The following NAV2 variants were observed in gnomAD, a reference collection of about 807,000 sequenced individuals.
NAV2 encodes the protein neuron navigator 2.
NAV2 carries 54 observed loss-of-function variants against 223.2 expected under a neutral mutation model. The ratio of observed to expected loss-of-function variants is 0.24; its 90% CI spans 0.19 to 0.30. The LOEUF (loss-of-function observed/expected upper bound fraction) is 0.30. Among genes scored for constraint, NAV2 ranks in the 10% least tolerant of loss-of-function variants. The pLI, the probability that NAV2 is intolerant of heterozygous loss-of-function variation, is 1.00. For synonymous variants in NAV2, 1,279 were observed against 1,239.3 expected (o/e 1.03, Z -0.67); for missense variants, 2,806 against 3,147.5 (o/e 0.89, Z 2.60).
chr11:19,445,451 A>C (rs1181052430), intron 1 of NAV2, among the ~76,000 whole-genome samples: 1 of 152,202 alleles, frequency 6.6e-6, no homozygotes, highest in African/African-American at 2.4e-5. Context: ...TTTAATCCTC[A>C]TCACAAACCT....
intron 1 of NAV2, among the ~76,000 whole-genome samples, chr11:19,777,205 C>T (rs1389873987): frequency 6.6e-6 from 1 of 151,176 alleles, no homozygotes; most frequent in Non-Finnish European, 1.5e-5. Flanking sequence ...GCGGGGAGGC[C>T]GGCGGGGAGC....
intron 19 of NAV2, among the ~76,000 whole-genome samples, chr11:20,057,299 TA>T (rs1279741516): frequency 6.6e-6 from 1 of 152,242 alleles, no homozygotes; most frequent in African/African-American, 2.4e-5. Context: ...TTAAAGAATG[TA>T]TTTACAGAGC....
At chr11:19,472,211 A>G (rs936946611) in intron 1 of NAV2, among the ~76,000 whole-genome samples, 1 of 152,178 alleles carries the variant, frequency 6.6e-6, no homozygotes, top group African/African-American at 2.4e-5. Flanking sequence ...ATAGACAGGA[A>G]CATGGGGCAG....
At chr11:19,904,370 T>C (rs1466920956) in intron 6 of NAV2, among the ~76,000 whole-genome samples, 2 of 151,894 alleles carry the variant, frequency 1.3e-5, no homozygotes, top group African/African-American at 4.8e-5. Context: ...AGTAAACAAA[T>C]GCAAACAGTA....
At chr11:19,419,436 A>C (rs1448098800) in intron 1 of NAV2, among the ~76,000 whole-genome samples, 1 of 152,072 alleles carries the variant, frequency 6.6e-6, no homozygotes, top group East Asian at 1.9e-4. Flanking sequence ...CAGCGTGCAT[A>C]CCTCAGGACA....
chr11:19,660,049 C>T (rs2048234239), intron 1 of NAV2, among the ~76,000 whole-genome samples: 2 of 152,250 alleles, frequency 1.3e-5, no homozygotes. Flanking sequence ...AGGCAAACAA[C>T]TCTTGTTTGG....
In NAV2 at chr11:19,933,065, A is replaced by G. The variant is rs547150724; in HGVS notation, c.932-111A>G. 4.7e-5 allele frequency: 61 copies of G among 1,301,020 alleles called. No homozygotes were observed. The Middle Eastern group carries it at 1.4e-3, about 30-fold the overall frequency. 80.6% of individuals were successfully genotyped at this position (1,301,020 alleles called of 1,614,324 possible). A position where few individuals can be genotyped will look rare whatever the true frequency, so the allele number is the denominator to read the frequency against. On this transcript the variant is annotated intron_variant, in intron 6 of 37. Coordinates refer to ENST00000349880, the MANE Select transcript of NAV2 (RefSeq NM_145117.5). The surrounding 1 kb of genome is among the most constrained non-coding windows in gnomAD (Gnocchi z 4.3). ...AATCCACAAAGTGGGCAATGGAGCT[A>G]TACGGCATTTGGGTTGGGAGTGATT... is the stretch of plus-strand genomic sequence containing the variant.
intron 1 of NAV2, among the ~76,000 whole-genome samples, chr11:19,364,607 A>G (rs1010493249): frequency 2.0e-5 from 3 of 152,164 alleles, no homozygotes; most frequent in Non-Finnish European, 4.4e-5. Flanking sequence ...GTCTACCCAG[A>G]GCCCCTGCAG....
At chr11:19,766,705 C>G (rs1288328860) in intron 1 of NAV2, among the ~76,000 whole-genome samples, 1 of 152,164 alleles carries the variant, frequency 6.6e-6, no homozygotes, top group Non-Finnish European at 1.5e-5. Context: ...TGTGAAGCCT[C>G]CTACTCCTGG....
chr11:19,383,137 T>G (rs1564893410), intron 1 of NAV2, among the ~76,000 whole-genome samples: 1 of 152,210 alleles, frequency 6.6e-6, no homozygotes, highest in Non-Finnish European at 1.5e-5. Context: ...ACTGCTATAG[T>G]GCACTAGCAT....
intron 1 of NAV2, among the ~76,000 whole-genome samples, chr11:19,750,330 A>G (rs1053174433): frequency 1.3e-5 from 2 of 152,126 alleles, no homozygotes; most frequent in African/African-American, 4.8e-5. Flanking sequence ...TCAGTCCCAA[A>G]CCTTCTCACT....
chr11:19,940,801 C>G (rs2046339532), intron 8 of NAV2, among the ~76,000 whole-genome samples: 1 of 152,220 alleles, frequency 6.6e-6, no homozygotes, highest in African/African-American at 2.4e-5. Flanking sequence ...AGAGATTCTT[C>G]AAGCCATTTG....
In NAV2 at chr11:19,885,358, C is replaced by T. The variant is rs529930145; in HGVS notation, c.770+5231C>T. Among the ~76,000 whole-genome samples, 28 of 152,316 alleles carry T rather than the reference C, an allele frequency of 1.8e-4. No homozygotes were observed. The South Asian group carries it at 5.8e-3, about 32-fold the overall frequency. On this transcript the variant is annotated intron_variant, in intron 5 of 37. Transcript: ENST00000349880. Reference sequence around the variant, plus strand: ...ACACTCTCTTCCCTCTCCTTCAATTCTGGTATCTCTGTGGTTGTTGAGGCT... The same window carrying T: ...ACACTCTCTTCCCTCTCCTTCAATTTTGGTATCTCTGTGGTTGTTGAGGCT...
At chr11:19,688,206 C>T (rs1462590585) in intron 1 of NAV2, among the ~76,000 whole-genome samples, 1 of 152,194 alleles carries the variant, frequency 6.6e-6, no homozygotes, top group Non-Finnish European at 1.5e-5. Context: ...GATTATGAAG[C>T]CCCTGAAAAC....
At chr11:19,643,787 T>C (rs2047735283) in intron 1 of NAV2, among the ~76,000 whole-genome samples, 1 of 152,206 alleles carries the variant, frequency 6.6e-6, no homozygotes, top group African/African-American at 2.4e-5. Context: ...ACCAACAGTG[T>C]AAAAGTGTTC....
chr11:19,527,993 A>G lies in NAV2; in HGVS notation c.75+176966A>G, dbSNP rs572051131. ...ACACAATCCTGGGAATCAGGCTGCA[A>G]TTGTTTCTCTTAACAAATGGTAGGG... On this transcript the variant is annotated intron_variant, in intron 1 of 37. Coordinates refer to the NAV2 transcript ENST00000360655. Among the ~76,000 whole-genome samples, 99 of 145,152 alleles carry G rather than the reference A, an allele frequency of 6.8e-4. No individual in the cohort carries two copies. The East Asian group carries it at 9.9e-3, about 15-fold the overall frequency.
chr11:19,978,744 C>T (rs1313548066), intron 10 of NAV2: 1 of 150,648 alleles, frequency 6.6e-6, no homozygotes, highest in Non-Finnish European at 1.5e-5. Flanking sequence ...TCTGTCCCCT[C>T]TCTCCTCACA....
At chr11:19,686,445 G>A (rs955828987) in intron 1 of NAV2, among the ~76,000 whole-genome samples, 4 of 152,172 alleles carry the variant, frequency 2.6e-5, no homozygotes, top group Non-Finnish European at 5.9e-5. Context: ...TCCGCCCATT[G>A]TGTGGTCTCA....
At chr11:19,945,482 G>A (rs754508378) in intron 8 of NAV2, among the ~76,000 whole-genome samples, 3 of 151,814 alleles carry the variant, frequency 2.0e-5, no homozygotes, top group Non-Finnish European at 4.4e-5. Flanking sequence ...TAAAGACATC[G>A]TCCAACCTTA....
Sources: gnomAD v4.1 joint callset for allele counts (sites outside exome capture counted in the v4.1 genomes callset) on GRCh38, gnomAD v4.1.1 for gene constraint, Gnocchi (gnomAD v3.1) non-coding constraint, MANE v1.5 for transcripts, NCBI Gene and HGNC (gene_info 2026-07-23, HGNC 2026-07-21) for gene names.